DCX: variants seen among roughly 807,000 people sequenced by gnomAD.
DCX encodes doublecortin, also known as neuronal migration protein doublecortin.
Under a neutral mutation model 20.9 loss-of-function variants are expected in DCX, and 4 were observed. The ratio of observed to expected loss-of-function variants is 0.19; its 90% CI spans 0.09 to 0.44. DCX has a LOEUF of 0.44. Ranked by LOEUF, DCX falls within the 20% of genes least tolerant of loss-of-function variation. DCX has a pLI of 0.99. For synonymous variants in DCX, 103 were observed against 111.4 expected (o/e 0.92, Z 0.47); for missense variants, 133 against 296.9 (o/e 0.45, Z 4.06).
At chrX:111,408,691 A>AAAGAAAGAAAGG (rs1268843561) in intron 2 of DCX, among the ~76,000 whole-genome samples, 4 of 103,309 alleles carry the variant, frequency 3.9e-5, no homozygotes, top group African/African-American at 7.3e-5. Flanking sequence ...AGAAAGAAAG[A>AAAGAAAGAAAGG]AAGGAAGGAA....
chrX:111,376,250 C>T (rs757432061), intron 3 of DCX, among the ~76,000 whole-genome samples: 14 of 111,998 alleles, frequency 1.3e-4, no homozygotes, highest in African/African-American at 4.5e-4. Context: ...CGCACAGAGT[C>T]CTTTGTCTAG....
At chrX:111,355,158 TTTGGTTCTTAATC>T (rs1486841885) in intron 3 of DCX, among the ~76,000 whole-genome samples, 1 of 112,546 alleles carries the variant, frequency 8.9e-6, no homozygotes, top group Non-Finnish European at 1.9e-5. Flanking sequence ...GTTCACATAT[TTTGGTTCTTAATC>T]TTGTTAAAGA....
chrX:111,349,410 T>C (rs1008584204), intron 3 of DCX, among the ~76,000 whole-genome samples: 1 of 110,999 alleles, frequency 9.0e-6, no homozygotes, highest in African/African-American at 3.3e-5. Flanking sequence ...AGCAAAGGAG[T>C]GCAAACTGAT....
chrX:111,304,209 C>T (rs1343284807), intron 6 of DCX, among the ~76,000 whole-genome samples: 3 of 112,140 alleles, frequency 2.7e-5, no homozygotes, highest in Non-Finnish European at 5.6e-5. Context: ...TGAACATAGT[C>T]AAAAGTATTT....
At chrX:111,385,843 A>C (rs1165347278) in intron 3 of DCX, among the ~76,000 whole-genome samples, 1 of 103,692 alleles carries the variant, frequency 9.6e-6, no homozygotes, top group Non-Finnish European at 2.0e-5. Context: ...GAAGGAAGGA[A>C]GGGAAATCAG....
At chrX:111,346,393 C>G (rs770817504) in intron 3 of DCX, among the ~76,000 whole-genome samples, 3 of 112,381 alleles carry the variant, frequency 2.7e-5, no homozygotes, top group Non-Finnish European at 5.6e-5. Flanking sequence ...GAATGCAGTT[C>G]TGATATATGT....
At chrX:111,386,501 C>G (rs1010573990) in intron 3 of DCX, among the ~76,000 whole-genome samples, 4 of 111,278 alleles carry the variant, frequency 3.6e-5, no homozygotes, top group African/African-American at 6.5e-5. Context: ...TCCCAACCAC[C>G]ACCAGCTTCC....
chrX:111,386,735 A>G (rs1926548378), intron 3 of DCX, among the ~76,000 whole-genome samples: 2 of 111,446 alleles, frequency 1.8e-5, no homozygotes, highest in South Asian at 7.7e-4. Context: ...AATTCATCCC[A>G]TTGCTAATCA....
At position 111,301,508 on chromosome X, in the gene DCX, C is replaced by T. The variant is rs2095033903; in HGVS notation, c.*179G>A. ...AATTGGTAACTGTGGATCAGTGGCC[C>T]AGAGGAGAAATCACAGGAAAATAAA... is the stretch of plus-strand genomic sequence containing the variant. On this transcript the variant is annotated 3_prime_UTR_variant, in exon 7 of 7. Coordinates refer to ENST00000636035, the MANE Select transcript of DCX (RefSeq NM_001195553.2). The T allele has an allele frequency of 1.2e-5, 6 of 513,668 alleles. No individual in the cohort carries two copies. Among genetic ancestry groups the T allele is most frequent in the South Asian group, 8.4e-5 (3 of 35,820 alleles). 42.3% of individuals were successfully genotyped at this position (513,668 alleles called of 1,213,427 possible).
chrX:111,311,254 A>G (rs1280240864), intron 6 of DCX, among the ~76,000 whole-genome samples: 4 of 112,487 alleles, frequency 3.6e-5, no homozygotes, highest in African/African-American at 1.3e-4. Flanking sequence ...GAAATAGCTC[A>G]ACAGGACAAT....
intron 3 of DCX, among the ~76,000 whole-genome samples, chrX:111,341,293 A>G (rs936601411): frequency 9.1e-6 from 1 of 109,785 alleles, no homozygotes; most frequent in African/African-American, 3.3e-5. Context: ...AGACCACCTT[A>G]CTGAAATAAG....
At chrX:111,370,612 A>G (rs968215830) in intron 3 of DCX, among the ~76,000 whole-genome samples, 1 of 111,242 alleles carries the variant, frequency 9.0e-6, no homozygotes, top group Non-Finnish European at 1.9e-5. Context: ...AGCGTCAGAA[A>G]TAATTAGTCT....
At chrX:111,342,886 G>A (rs1922412644) in intron 3 of DCX, among the ~76,000 whole-genome samples, 2 of 111,118 alleles carry the variant, frequency 1.8e-5, no homozygotes, top group South Asian at 3.8e-4. Context: ...AAGAGACTAC[G>A]TACCAGAATC....
intron 3 of DCX, among the ~76,000 whole-genome samples, chrX:111,339,869 C>T (rs1341932190): frequency 8.9e-6 from 1 of 111,944 alleles, no homozygotes; most frequent in Non-Finnish European, 1.9e-5. Context: ...AAACCAGAAA[C>T]CTGAGAGTCA....
At chrX:111,403,411 T>A (rs1927964149) in intron 2 of DCX, among the ~76,000 whole-genome samples, 1 of 111,743 alleles carries the variant, frequency 8.9e-6, no homozygotes, top group African/African-American at 3.3e-5. Flanking sequence ...GGAGTATGAG[T>A]ATGATTAACC....
chrX:111,328,109 A>T (rs2095103733), intron 5 of DCX, among the ~76,000 whole-genome samples: 1 of 112,423 alleles, frequency 8.9e-6, no homozygotes, highest in Admixed American at 9.4e-5. Flanking sequence ...AACAGAGGTT[A>T]TTTGTAATTC....
At chrX:111,364,391 A>T (rs1169227880) in intron 3 of DCX, among the ~76,000 whole-genome samples, 1 of 112,364 alleles carries the variant, frequency 8.9e-6, no homozygotes, top group Non-Finnish European at 1.9e-5. Flanking sequence ...AATGCAAAGT[A>T]TATAAGAAAG....
intron 3 of DCX, among the ~76,000 whole-genome samples, chrX:111,364,201 G>A (rs767261168): frequency 6.3e-5 from 7 of 111,939 alleles, no homozygotes; most frequent in Non-Finnish European, 1.3e-4. Flanking sequence ...ACACTAGGTA[G>A]GCTGACTTCT....
rs767430458 is a variant in DCX, at chrX:111,395,222, C to A, written c.705+5768G>T. The stretch of plus-strand genomic sequence containing the variant: ...TAAAAAATTAAGGCCCAAAAAGAGA[C>A]GTGATTGGCTCCACGTTACATAGCT... On this transcript the variant is annotated intron_variant, in intron 3 of 6. Coordinates refer to ENST00000636035, the MANE Select transcript of DCX (RefSeq NM_001195553.2). Among the ~76,000 whole-genome samples the A allele has an allele frequency of 1.4e-3, 158 of 111,946 alleles. 1 individual carries two copies. Among genetic ancestry groups the A allele is most frequent in the African/African-American group, 5.0e-3 (155 of 30,892 alleles).
Sources: gnomAD v4.1 joint callset for allele counts (sites outside exome capture counted in the v4.1 genomes callset) on GRCh38, gnomAD v4.1.1 for gene constraint, MANE v1.5 for transcripts, NCBI Gene and HGNC (gene_info 2026-07-23, HGNC 2026-07-21) for gene names.